The following FOXJ2 variants were observed in gnomAD, a reference collection of about 807,000 sequenced individuals.
The protein encoded by FOXJ2 is forkhead box protein J2.
Under a neutral mutation model 68.4 loss-of-function variants are expected in FOXJ2, and 18 were observed. The observed-to-expected ratio is 0.26, with a 90% CI of 0.18 to 0.39. FOXJ2 has a LOEUF of 0.39. FOXJ2 is among the 10% of genes least tolerant of loss of function. The probability of loss-of-function intolerance (pLI) is 1.00; values close to 1 mark genes in which losing one functional copy is unlikely to be tolerated. For synonymous variants in FOXJ2, 274 were observed against 263.2 expected (o/e 1.04, Z -0.40); for missense variants, 670 against 726.5 (o/e 0.92, Z 0.89).
intron 9 of FOXJ2, 196 bp downstream of exon 9, chr12:8,049,767 T>A: frequency 2.0e-6 from 1 of 495,556 alleles, no homozygotes; most frequent in Admixed American, 3.7e-5. Context: ...AGAAATAGAC[T>A]GTATGATTCC....
chr12:8,035,925 T>C lies in FOXJ2; in HGVS notation c.-15+2092T>C, dbSNP rs1946889164. On this transcript the variant is annotated intron_variant, in intron 1 of 10. Transcript: ENST00000162391. This position sits in a 1 kb window ranked among gnomAD's most constrained non-coding sequence, Gnocchi z 4.0. ...TATCTCTAAAGGAAAAGTTTGAGAT[T>C]CTGACATCCTGAAAACCATTGCAGA... Among the ~76,000 whole-genome samples, 1 of 152,216 alleles carries C rather than the reference T, an allele frequency of 6.6e-6. No homozygotes were observed. The highest frequency in any genetic ancestry group is 2.4e-5 in the African/African-American group (1 of 41,448).
At chr12:8,050,173 A>T in intron 9 of FOXJ2, 1 of 265,818 alleles carries the variant, frequency 3.8e-6, no homozygotes, top group Non-Finnish European at 6.3e-6. Context: ...CTGGGGTTTC[A>T]CCGTGTCGCC....
intron 2 of FOXJ2, among the ~76,000 whole-genome samples, chr12:8,041,879 ATTT>A (rs112462519): frequency 1.5e-5 from 2 of 135,968 alleles, no homozygotes; most frequent in Non-Finnish European, 3.2e-5. Flanking sequence ...CAACACACAC[ATTT>A]TTTTTTTTTT....
chr12:8,049,587 A>T lies in FOXJ2; in HGVS notation c.1537+16A>T. 1 of 1,547,044 alleles carries T rather than the reference A, an allele frequency of 6.5e-7. No individual in the cohort carries two copies. Among genetic ancestry groups the T allele is most frequent in the Non-Finnish European group, 8.8e-7 (1 of 1,140,756 alleles). Reference sequence around the variant, plus strand: ...ATGAGCCAAGGTACTGCACCAAGCCAGTTGCCATGGAGGTGGAGACTATGT... The same window carrying T: ...ATGAGCCAAGGTACTGCACCAAGCCTGTTGCCATGGAGGTGGAGACTATGT... On this transcript the variant is annotated intron_variant, in intron 9 of 10. Coordinates refer to ENST00000162391, the MANE Select transcript of FOXJ2 (RefSeq NM_018416.3).
At position 8,050,623 on chromosome 12, in the gene FOXJ2, A is replaced by C. The variant is rs1457011538; in HGVS notation, c.1636+3A>C. ...CTCAGCAGGATACAATCGCCCAGGT[A>C]AGAGCTAAGAAGCTTGTTTCAAAAC... is the stretch of plus-strand genomic sequence containing the variant. On this transcript the variant is annotated splice_donor_region_variant and intron_variant, in intron 10 of 10. Coordinates refer to ENST00000162391, the MANE Select transcript of FOXJ2 (RefSeq NM_018416.3). 1 of 1,614,010 alleles carries C rather than the reference A, an allele frequency of 6.2e-7. No homozygotes were observed. Among genetic ancestry groups the C allele is most frequent in the Admixed American group, 1.7e-5 (1 of 59,998 alleles).
intron 6 of FOXJ2, among the ~76,000 whole-genome samples, chr12:8,045,240 T>C (rs1456892933): frequency 7.0e-6 from 1 of 142,094 alleles, no homozygotes; most frequent in African/African-American, 2.6e-5. Context: ...TTTTTTGAGA[T>C]GGAGTCTCGC....
In FOXJ2 at chr12:8,044,775, G is replaced by T. The variant is rs1947011493; in HGVS notation, c.634G>T (p.Asp212Tyr). Reference protein sequence around the residue: ...ASYSQGTGSVDGGAVAAGASG... With the variant: ...ASYSQGTGSVYGGAVAAGASG... The stretch of plus-strand genomic sequence containing the variant: ...GTTTTTGCAGGGCACAGGATCTGTG[G>T]ATGGTGGAGCAGTGGCAGCAGGGGC... The change falls in exon 6 of 11, where the codon GAT becomes TAT. Residue 212 changes from aspartate (D) to tyrosine (Y), a missense_variant. By Grantham distance (160) the Asp-to-Tyr change is radical (BLOSUM62 -3). Coordinates refer to ENST00000162391, the MANE Select transcript of FOXJ2 (RefSeq NM_018416.3). 2 of 1,613,918 alleles carry T rather than the reference G, an allele frequency of 1.2e-6. No individual in the cohort carries two copies. The highest frequency in any genetic ancestry group is 1.7e-6 in the Non-Finnish European group (2 of 1,179,866).
At position 8,035,374 on chromosome 12, in the gene FOXJ2, C is replaced by T. The variant is rs1946882793; in HGVS notation, c.-15+1541C>T. Among the ~76,000 whole-genome samples, 1 of 152,090 alleles carries T rather than the reference C, an allele frequency of 6.6e-6. No individual in the cohort carries two copies. Among genetic ancestry groups the T allele is most frequent in the Non-Finnish European group, 1.5e-5 (1 of 68,006 alleles). On this transcript the variant is annotated intron_variant, in intron 1 of 10. Coordinates refer to ENST00000162391, the MANE Select transcript of FOXJ2 (RefSeq NM_018416.3). This position sits in a 1 kb window ranked among gnomAD's most constrained non-coding sequence, Gnocchi z 4.0. ...GGCCTCCCCCCAGTCAATGGGAGCC[C>T]TCGTGACGGTCTACAGGACAGTCCT...
chr12:8,046,011 T>C (rs1348165471), intron 6 of FOXJ2, among the ~76,000 whole-genome samples: 1 of 152,218 alleles, frequency 6.6e-6, no homozygotes, highest in Non-Finnish European at 1.5e-5. Context: ...GAGGAAATAT[T>C]TCATGAACTA....
At chr12:8,052,370 G>A (rs373512332) in intron 10 of FOXJ2, among the ~76,000 whole-genome samples, 38 of 151,922 alleles carry the variant, frequency 2.5e-4, no homozygotes, top group African/African-American at 8.9e-4. Flanking sequence ...AGGCACATGT[G>A]ACCACACCCA....
Position 8,037,113 on chromosome 12 carries a change from A to G in FOXJ2, c.-14-2706A>G, listed in dbSNP as rs140984536. On this transcript the variant is annotated intron_variant, in intron 1 of 10. Transcript: ENST00000162391. ...CCAAAAAGACAAAACAAAACAAAAC[A>G]AAAACAAAAAACACTTCATCAGAGA... Among the ~76,000 whole-genome samples the G allele has an allele frequency of 2.6e-5, 4 of 152,218 alleles. No individual in the cohort carries two copies. The East Asian group carries it at 7.7e-4, about 29-fold the overall frequency.
At chr12:8,042,140 A>C (rs770475509) in intron 2 of FOXJ2, among the ~76,000 whole-genome samples, 52 of 152,324 alleles carry the variant, frequency 3.4e-4, no homozygotes, top group Non-Finnish European at 8.8e-5. Flanking sequence ...AGCCTCCCAA[A>C]GTGTTGGAAT....
Position 8,043,958 on chromosome 12 carries a change from A to G in FOXJ2, c.485A>G (p.Gln162Arg). Reference sequence around the variant, plus strand: ...TTTTTTCACAACCCTCAGCTGTCCCAAGACTCACCAGAACAGGAGGCAAGC... The same window carrying G: ...TTTTTTCACAACCCTCAGCTGTCCCGAGACTCACCAGAACAGGAGGCAAGC... ...RRHPPDDDLS[Q>R]DSPEQEASKS... The change falls in exon 5 of 11, where the codon CAA (glutamine) becomes CGA (arginine). Residue 162 changes from glutamine (Q) to arginine (R), a missense_variant. Around this residue, in one of 2 missense-constraint regions of FOXJ2, gnomAD observed 555 missense variants for 562.2 expected, o/e 0.99. Coordinates refer to ENST00000162391, the MANE Select transcript of FOXJ2 (RefSeq NM_018416.3). 6.4e-7 allele frequency: 1 copy of G among 1,559,916 alleles called. No individual in the cohort carries two copies. The highest frequency in any genetic ancestry group is 8.6e-7 in the Non-Finnish European group (1 of 1,156,686).
At chr12:8,043,842 A>C in intron 4 of FOXJ2, 73 bp downstream of exon 4, 2 of 1,608,482 alleles carry the variant, frequency 1.2e-6, no homozygotes, top group Non-Finnish European at 1.7e-6. Flanking sequence ...ATGGACGTTC[A>C]GTCCTTTCAG....
Position 8,052,964 on chromosome 12 carries a change from T to C in FOXJ2, c.*114T>C, listed in dbSNP as rs1282884952. On this transcript the variant is annotated 3_prime_UTR_variant, in exon 11 of 11. Transcript: ENST00000162391. Reference sequence around the variant, plus strand: ...GTCTGTATATAGACATATATCCTCTTTTTGTTCTTTCTCTGTCAGAGAAGC... The same window carrying C: ...GTCTGTATATAGACATATATCCTCTCTTTGTTCTTTCTCTGTCAGAGAAGC... The C allele has an allele frequency of 4.7e-6, 3 of 636,514 alleles. No homozygotes were observed. Among genetic ancestry groups the C allele is most frequent in the Non-Finnish European group, 7.9e-6 (3 of 380,536 alleles). The allele number at this position is 636,514 out of a possible 1,614,324, so 39.4% of individuals were successfully genotyped here.
intron 7 of FOXJ2, 124 bp from the exon 8 acceptor site, chr12:8,048,573 C>T (rs1947072275): frequency 8.4e-7 from 1 of 1,187,374 alleles, no homozygotes; most frequent in African/African-American, 1.5e-5. Context: ...GAGTCCAAAA[C>T]TTGGAAATGC....
At chr12:8,046,344 C>T (rs1947036718) in intron 6 of FOXJ2, among the ~76,000 whole-genome samples, 1 of 152,128 alleles carries the variant, frequency 6.6e-6, no homozygotes, top group Non-Finnish European at 1.5e-5. Flanking sequence ...TGTGTTCCAT[C>T]CCCCAACTTT....
Position 8,043,997 on chromosome 12 carries a change from G to T in FOXJ2, c.524G>T (p.Gly175Val). The stretch of plus-strand genomic sequence containing the variant: ...CAGGAGGCAAGCAAGAGCCCACGGG[G>T]AGGCGTTGCAGGGAGTGGAGAAGCC... ...PEQEASKSPRGGVAGSGEASL... is the reference protein window; with the variant it reads ...PEQEASKSPRVGVAGSGEASL... Residue 175 changes from glycine to valine, a missense_variant, in exon 5 of 11, where the codon GGA becomes GTA. Physicochemically the swap from Gly to Val is moderately radical, Grantham distance 109 (BLOSUM62 -3). Transcript: ENST00000162391. 3 of 1,583,376 alleles carry T rather than the reference G, an allele frequency of 1.9e-6. No homozygotes were observed. Among genetic ancestry groups the T allele is most frequent in the Non-Finnish European group, 2.6e-6 (3 of 1,166,568 alleles).
At chr12:8,047,723 CT>C (rs1486957083) in intron 6 of FOXJ2, among the ~76,000 whole-genome samples, 158 bp from the exon 7 acceptor site, 10 of 152,152 alleles carry the variant, frequency 6.6e-5, no homozygotes, top group African/African-American at 2.4e-4. Flanking sequence ...TCTCTTGTAC[CT>C]GCCAGGAGGG....
Sources: allele counts gnomAD v4.1 joint callset (sites outside exome capture counted in the v4.1 genomes callset), GRCh38; gene constraint gnomAD v4.1.1; regional missense constraint gnomAD v4.1.1; non-coding constraint Gnocchi (gnomAD v3.1); transcripts MANE v1.5; gene names NCBI Gene and HGNC (gene_info 2026-07-23, HGNC 2026-07-21).